The following AGBL1 variants were observed in gnomAD, a reference collection of about 807,000 sequenced individuals.
AGBL1 encodes AGBL carboxypeptidase 1.
A neutral mutation model predicts 118.9 loss-of-function variants in AGBL1; 130 were observed. The observed-to-expected ratio is 1.09, with a 90% confidence interval of 0.95 to 1.26. The LOEUF (loss-of-function observed/expected upper bound fraction) is 1.26, where lower values mean the gene tolerates loss of function less well. Among genes scored for constraint, AGBL1 ranks in the 50% most tolerant of loss-of-function variants. AGBL1 has a pLI of 0.00. For synonymous variants in AGBL1, 555 were observed against 478.9 expected (o/e 1.16, Z -2.08); for missense variants, 1,584 against 1,298.1 (o/e 1.22, Z -3.38).
At chr15:86,889,601 G>A (rs1352542162) in intron 22 of AGBL1, among the ~76,000 whole-genome samples, 1 of 152,086 alleles carries the variant, frequency 6.6e-6, no homozygotes, top group Admixed American at 6.5e-5. Context: ...ATGTGTCCAT[G>A]TGTTCTCATT....
intron 17 of AGBL1, among the ~76,000 whole-genome samples, chr15:86,320,281 C>T (rs1385168983): frequency 6.6e-6 from 1 of 151,944 alleles, no homozygotes; most frequent in Non-Finnish European, 1.5e-5. Flanking sequence ...TAAGATTCTA[C>T]AATTGGTTTC....
chr15:86,126,624 T>C (rs1360732838), intron 1 of AGBL1, among the ~76,000 whole-genome samples: 2 of 152,192 alleles, frequency 1.3e-5, no homozygotes, highest in African/African-American at 4.8e-5. Context: ...TATTACCTAG[T>C]GATGATAAAA....
chr15:86,229,578 C>T (rs914889110), intron 6 of AGBL1, among the ~76,000 whole-genome samples: 2 of 152,178 alleles, frequency 1.3e-5, no homozygotes, highest in Admixed American at 6.5e-5. Flanking sequence ...TTTATCTCAT[C>T]TCATCTTCTT....
At chr15:86,666,269 C>T (rs1021785839) in intron 21 of AGBL1, among the ~76,000 whole-genome samples, 1 of 152,040 alleles carries the variant, frequency 6.6e-6, no homozygotes, top group African/African-American at 2.4e-5. Flanking sequence ...ATTTCATTCT[C>T]AGATATTTTA....
intron 7 of AGBL1, among the ~76,000 whole-genome samples, chr15:86,249,744 A>G (rs145866007): frequency 1.4e-3 from 216 of 152,324 alleles, no homozygotes; most frequent in African/African-American, 5.0e-3. Flanking sequence ...TGTGCTAAAA[A>G]ACCAACCAAA....
In AGBL1 at chr15:86,739,939, C is replaced by T. The variant is rs2077654075; in HGVS notation, c.3158+65503C>T. Reference sequence around the variant, plus strand: ...AAATGTTTATGGTTTTCTGATGCTGCAGCTGGCTAGTTCGATAACACTCTT... The same window carrying T: ...AAATGTTTATGGTTTTCTGATGCTGTAGCTGGCTAGTTCGATAACACTCTT... On this transcript the variant is annotated intron_variant, in intron 22 of 22. Transcript: ENST00000614907. Among the ~76,000 whole-genome samples, 6 of 152,322 alleles carry T rather than the reference C, an allele frequency of 3.9e-5. No homozygotes were observed. The South Asian group carries it at 1.2e-3, about 32-fold the overall frequency.
intron 21 of AGBL1, among the ~76,000 whole-genome samples, chr15:86,671,434 A>C (rs1567114000): frequency 6.6e-6 from 1 of 152,200 alleles, no homozygotes; most frequent in Non-Finnish European, 1.5e-5. Context: ...CTGTCTGTGG[A>C]AAAAATTTCT....
chr15:86,521,887 C>T (rs1171072088), intron 18 of AGBL1, among the ~76,000 whole-genome samples: 1 of 152,070 alleles, frequency 6.6e-6, no homozygotes, highest in Admixed American at 6.5e-5. Flanking sequence ...GTTGGGGATG[C>T]TGTGCTGATC....
intron 18 of AGBL1, among the ~76,000 whole-genome samples, chr15:86,495,885 T>C (rs963760327): frequency 1.3e-5 from 2 of 151,970 alleles, no homozygotes; most frequent in African/African-American, 4.8e-5. Context: ...AGGATGTTTA[T>C]AAAAATATCC....
chr15:86,421,039 G>T (rs971139819), intron 18 of AGBL1, among the ~76,000 whole-genome samples: 1 of 152,178 alleles, frequency 6.6e-6, no homozygotes, highest in Non-Finnish European at 1.5e-5. Context: ...ACACTCTTCA[G>T]GATATTATCC....
intron 18 of AGBL1, among the ~76,000 whole-genome samples, chr15:86,437,915 C>T (rs1479860532): frequency 2.0e-5 from 3 of 151,852 alleles, no homozygotes; most frequent in Non-Finnish European, 2.9e-5. Context: ...TTTTCTTTCT[C>T]TTTTTTTGGA....
chr15:86,321,320 G>A (rs2080101731), intron 17 of AGBL1, among the ~76,000 whole-genome samples: 1 of 152,050 alleles, frequency 6.6e-6, no homozygotes, highest in African/African-American at 2.4e-5. Flanking sequence ...TTTGAAACAA[G>A]TTTGACAAGT....
At chr15:86,745,902 A>G (rs1261547503) in intron 22 of AGBL1, among the ~76,000 whole-genome samples, 1 of 152,116 alleles carries the variant, frequency 6.6e-6, no homozygotes, top group Non-Finnish European at 1.5e-5. Flanking sequence ...CTCACAGCCC[A>G]ACACCATGGG....
chr15:86,200,098 T>A (rs1964492280), intron 5 of AGBL1, among the ~76,000 whole-genome samples: 1 of 152,238 alleles, frequency 6.6e-6, no homozygotes, highest in Non-Finnish European at 1.5e-5. Flanking sequence ...CGTGTCTCAG[T>A]TTGTTGACTC....
chr15:86,265,307 C>G (rs1490185609), intron 11 of AGBL1, among the ~76,000 whole-genome samples: 1 of 152,114 alleles, frequency 6.6e-6, no homozygotes, highest in African/African-American at 2.4e-5. Flanking sequence ...TAGACCCTGG[C>G]TTAGTTAGGA....
chr15:86,409,577 TATTA>T (rs2081582044), intron 18 of AGBL1, among the ~76,000 whole-genome samples: 1 of 152,176 alleles, frequency 6.6e-6, no homozygotes, highest in African/African-American at 2.4e-5. Context: ...AATTTAGAGT[TATTA>T]ATTATATCAG....
At chr15:86,828,532 T>C (rs1192383090) in intron 22 of AGBL1, among the ~76,000 whole-genome samples, 5 of 152,030 alleles carry the variant, frequency 3.3e-5, no homozygotes, top group Non-Finnish European at 1.5e-5. Context: ...GAGATGCACT[T>C]TGAAGATAGA....
At chr15:86,182,446 T>G (rs1258610793) in intron 5 of AGBL1, among the ~76,000 whole-genome samples, 2 of 152,128 alleles carry the variant, frequency 1.3e-5, no homozygotes, top group East Asian at 3.9e-4. Flanking sequence ...TTTCTCTCTC[T>G]CTCTATATTC....
chr15:86,279,625 T>C lies in AGBL1; in HGVS notation c.2076-14T>C. 2 of 1,611,786 alleles carry C rather than the reference T, an allele frequency of 1.2e-6. No homozygotes were observed. The highest frequency in any genetic ancestry group is 1.7e-6 in the Non-Finnish European group (2 of 1,178,134). On this transcript the variant is annotated splice_polypyrimidine_tract_variant and intron_variant, in intron 15 of 22. Transcript: ENST00000614907. Reference sequence around the variant, plus strand: ...TCTCCCTTATTCTCTTCTCTTCTCCTCCTCTCTCTTTAGAAATCATTATCG... The same window carrying C: ...TCTCCCTTATTCTCTTCTCTTCTCCCCCTCTCTCTTTAGAAATCATTATCG...
Sources: allele counts gnomAD v4.1 joint callset (sites outside exome capture counted in the v4.1 genomes callset), GRCh38; gene constraint gnomAD v4.1.1; transcripts MANE v1.5; gene names NCBI Gene and HGNC (gene_info 2026-07-23, HGNC 2026-07-21).